The following HEPHL1 variants were observed in gnomAD, a reference collection of about 807,000 sequenced individuals.
The protein encoded by HEPHL1 is hephaestin like 1.
In HEPHL1, 123 loss-of-function variants were observed where a neutral mutation model predicts 122.0. The ratio of observed to expected loss-of-function variants is 1.01; its 90% CI spans 0.87 to 1.17. The LOEUF (loss-of-function observed/expected upper bound fraction) is 1.17. Among genes scored for constraint, HEPHL1 ranks in the 50% most tolerant of loss-of-function variants. HEPHL1 has a pLI of 0.00. For synonymous variants in HEPHL1, 527 were observed against 508.9 expected, an observed-to-expected ratio of 1.04 and a Z score of -0.48; for missense variants, 1,452 against 1,430.5, an observed-to-expected ratio of 1.01 and a Z score of -0.24.
At chr11:94,022,689 T>C (rs1375890465) in intron 1 of HEPHL1, among the ~76,000 whole-genome samples, 1 of 152,266 alleles carries the variant, frequency 6.6e-6, no homozygotes, top group Non-Finnish European at 1.5e-5. Flanking sequence ...TCTGCAGGGC[T>C]ATTTCCAAAG....
intron 13 of HEPHL1, among the ~76,000 whole-genome samples, chr11:94,095,032 G>A (rs1946299307): frequency 6.6e-6 from 1 of 152,116 alleles, no homozygotes; most frequent in African/African-American, 2.4e-5. Context: ...GGCTTTTGTT[G>A]CCATTGCTTT....
intron 1 of HEPHL1, among the ~76,000 whole-genome samples, chr11:94,027,753 C>T (rs1945639127): frequency 6.6e-6 from 1 of 152,152 alleles, no homozygotes; most frequent in Admixed American, 6.5e-5. Context: ...TTGAACACAC[C>T]TTGTATATGA....
chr11:94,101,953 G>A (rs1946370891), intron 14 of HEPHL1, among the ~76,000 whole-genome samples: 1 of 152,194 alleles, frequency 6.6e-6, no homozygotes, highest in African/African-American at 2.4e-5. Flanking sequence ...TTGAGAGTGA[G>A]AGTCTACATT....
intron 2 of HEPHL1, chr11:94,055,676 T>C: frequency 2.6e-6 from 1 of 389,160 alleles, no homozygotes; most frequent in Non-Finnish European, 5.1e-6. Context: ...AGCTGGCTAG[T>C]GACAGGCTGG....
At chr11:94,084,451 T>C (rs964310332) in intron 10 of HEPHL1, among the ~76,000 whole-genome samples, 6 of 152,128 alleles carry the variant, frequency 3.9e-5, no homozygotes, top group Non-Finnish European at 5.9e-5. Context: ...AATGTCACAT[T>C]AATTATAAAC....
chr11:94,027,256 C>G (rs1318547155), intron 1 of HEPHL1, among the ~76,000 whole-genome samples: 1 of 152,200 alleles, frequency 6.6e-6, no homozygotes, highest in African/African-American at 2.4e-5. Flanking sequence ...AGGATGATCT[C>G]CCCATCTCAA....
In HEPHL1 at chr11:94,063,564, C is replaced by T; in HGVS notation, c.472C>T (p.Pro158Ser). ...GRNKNDDMVP[P>S]GKNYTYVWPV... ...GAACAAAAATGATGACATGGTTCCT[C>T]CTGGGAAAAACTACACCTACGTCTG... Residue 158 changes from proline to serine, a missense_variant, in exon 3 of 20, where the codon CCT (proline) becomes TCT (serine). Coordinates refer to ENST00000315765, the MANE Select transcript of HEPHL1 (RefSeq NM_001098672.2). The T allele has an allele frequency of 6.2e-7, 1 of 1,613,592 alleles. No individual in the cohort carries two copies. Among genetic ancestry groups the T allele is most frequent in the Non-Finnish European group, 8.5e-7 (1 of 1,179,742 alleles).
chr11:94,062,876 G>T (rs1157942045), intron 2 of HEPHL1, among the ~76,000 whole-genome samples: 1 of 152,140 alleles, frequency 6.6e-6, no homozygotes, highest in Non-Finnish European at 1.5e-5. Flanking sequence ...CCCACTCTGT[G>T]GTGGACCCTC....
chr11:94,037,028 G>A (rs1400702117), intron 1 of HEPHL1, among the ~76,000 whole-genome samples: 6 of 152,154 alleles, frequency 3.9e-5, no homozygotes, highest in African/African-American at 7.2e-5. Flanking sequence ...TGCACGAGCC[G>A]AAGCAGGGCA....
intron 14 of HEPHL1, 88 bp from the exon 15 acceptor site, chr11:94,102,826 A>C: frequency 1.5e-6 from 1 of 674,160 alleles, no homozygotes; most frequent in South Asian, 1.8e-5. Context: ...ATTAATGAAA[A>C]TATATAAAGA....
Position 94,055,824 on chromosome 11 carries a change from T to C in HEPHL1, c.416-7684T>C, listed in dbSNP as rs149999199. The C allele has an allele frequency of 3.1e-3, 1,432 of 465,036 alleles. 18 individuals carry two copies. The highest frequency in any genetic ancestry group is 0.026 in the African/African-American group (1,303 of 50,020). The allele number at this position is 465,036 out of a possible 1,614,324, so 28.8% of individuals were successfully genotyped here. The stretch of plus-strand genomic sequence containing the variant: ...GGATGAGAAAATGAGTTCCTTTCCA[T>C]ACTGCAATGTCCTGTACTCCATGGA... On this transcript the variant is annotated intron_variant, in intron 2 of 19. Transcript: ENST00000315765.
At chr11:94,042,424 A>G (rs2134412920) in intron 1 of HEPHL1, among the ~76,000 whole-genome samples, 1 of 142,590 alleles carries the variant, frequency 7.0e-6, no homozygotes, top group East Asian at 2.2e-4. Context: ...ACACATGCAC[A>G]CATATGTTTA....
intron 1 of HEPHL1, among the ~76,000 whole-genome samples, chr11:94,036,263 A>G (rs1190911988): frequency 1.3e-5 from 2 of 152,120 alleles, no homozygotes; most frequent in Admixed American, 1.3e-4. Context: ...GGTACAGTTA[A>G]AGGCTGAACC....
chr11:94,037,038 A>G (rs1321600054), intron 1 of HEPHL1, among the ~76,000 whole-genome samples: 7 of 152,104 alleles, frequency 4.6e-5, no homozygotes, highest in African/African-American at 1.2e-4. Context: ...GAAGCAGGGC[A>G]AGGCATTGCC....
At position 94,111,757 on chromosome 11, in the gene HEPHL1, G is replaced by A. The variant is rs767426840; in HGVS notation, c.3343G>A (p.Ala1115Thr). Reference sequence around the variant, plus strand: ...TCTGGGTCCAACAGGAGCCAAGGCAGCCTTGGTCATCCTTTTCATCATTGG... The same window carrying A: ...TCTGGGTCCAACAGGAGCCAAGGCAACCTTGGTCATCCTTTTCATCATTGG... Reference protein sequence around the residue: ...KNLGPTGAKAALVILFIIGLL... With the variant: ...KNLGPTGAKATLVILFIIGLL... Residue 1115 changes from alanine to threonine, a missense_variant, in exon 20 of 20, where the codon GCC becomes ACC. Transcript: ENST00000315765. 1.9e-6 allele frequency: 3 copies of A among 1,603,260 alleles called. No homozygotes were observed. The East Asian group carries it at 6.7e-5, about 36-fold the overall frequency.
rs377630892 is a variant in HEPHL1, at chr11:94,075,206, G to A, written c.1537G>A (p.Gly513Ser). 1 of 1,613,296 alleles carries A rather than the reference G, an allele frequency of 6.2e-7. No individual in the cohort carries two copies. Among genetic ancestry groups the A allele is most frequent in the Non-Finnish European group, 8.5e-7 (1 of 1,179,556 alleles). Residue 513 changes from glycine to serine, a missense_variant, in exon 9 of 20, where the codon GGT becomes AGT. Transcript: ENST00000315765. ...FVKPGAHVKP[G>S]ETFTYKWTVP... ...GAAACCAGGGGCGCATGTTAAACCAGGTGAAACCTTCACATACAAGTGGAC... is the reference window on the plus strand; with the variant it reads ...GAAACCAGGGGCGCATGTTAAACCAAGTGAAACCTTCACATACAAGTGGAC...
chr11:94,109,537 CAG>C (rs1327136168), intron 17 of HEPHL1, among the ~76,000 whole-genome samples: 3 of 152,074 alleles, frequency 2.0e-5, no homozygotes, highest in Admixed American at 6.5e-5. Context: ...TAAATTTGCT[CAG>C]AGTTTTGATC....
At chr11:94,062,161 A>G (rs930408041) in intron 2 of HEPHL1, among the ~76,000 whole-genome samples, 5 of 152,224 alleles carry the variant, frequency 3.3e-5, no homozygotes, top group African/African-American at 9.6e-5. Flanking sequence ...TAGTTTGTAC[A>G]TTATATTGCC....
chr11:94,103,429 ATATAACT>A (rs1216423964), intron 15 of HEPHL1, among the ~76,000 whole-genome samples: 2 of 152,188 alleles, frequency 1.3e-5, no homozygotes, highest in Non-Finnish European at 2.9e-5. Context: ...AATAAAATAA[ATATAACT>A]TAGAGTACAA....
Sources: gnomAD v4.1 joint callset for allele counts (sites outside exome capture counted in the v4.1 genomes callset) on GRCh38, gnomAD v4.1.1 for gene constraint, MANE v1.5 for transcripts, NCBI Gene and HGNC (gene_info 2026-07-23, HGNC 2026-07-21) for gene names.